The following NPAS3 variants were observed in gnomAD, a reference collection of about 807,000 sequenced individuals.
NPAS3 encodes neuronal PAS domain protein 3, also known as neuronal PAS domain-containing protein 3.
In NPAS3, 14 loss-of-function variants were observed where a neutral mutation model predicts 73.1. That is an observed-to-expected ratio of 0.19 (90% confidence interval 0.13 to 0.30). The LOEUF is 0.30. NPAS3 is among the 10% of genes least tolerant of loss of function. NPAS3 has a pLI of 1.00. For synonymous variants in NPAS3, 620 were observed against 541.5 expected (o/e 1.14, Z -2.01); for missense variants, 1,096 against 1,250.0 (o/e 0.88, Z 1.86).
At chr14:32,946,387 G>C (rs966856270) in intron 1 of NPAS3, among the ~76,000 whole-genome samples, 18 of 96,878 alleles carry the variant, frequency 1.9e-4, no homozygotes, top group East Asian at 1.3e-3. Flanking sequence ...CACACACACA[G>C]AGTCATCTTC....
At chr14:33,784,751 T>TTTTTTTTTTTTTTA (rs2063110523) in intron 9 of NPAS3, among the ~76,000 whole-genome samples, 1 of 114,876 alleles carries the variant, frequency 8.7e-6, no homozygotes, top group African/African-American at 3.9e-5. Flanking sequence ...ATTTATTTTT[T>TTTTTTTTTTTTTTA]TTTTTTTTTT....
chr14:33,594,462 C>T (rs2057170643), intron 5 of NPAS3, among the ~76,000 whole-genome samples: 1 of 152,200 alleles, frequency 6.6e-6, no homozygotes, highest in African/African-American at 2.4e-5. Flanking sequence ...GGATCAGCTT[C>T]TTTCACACAT....
At chr14:33,288,097 A>T (rs17565513) in intron 3 of NPAS3, among the ~76,000 whole-genome samples, 42,840 of 152,018 alleles carry the variant, frequency 0.28, 6,758 homozygotes, top group Admixed American at 0.38. Context: ...TATGAAATGG[A>T]TGTTAGTCCA....
chr14:33,208,482 T>C (rs1179018834), intron 2 of NPAS3, among the ~76,000 whole-genome samples: 1 of 152,206 alleles, frequency 6.6e-6, no homozygotes, highest in East Asian at 1.9e-4. Context: ...TTAATTACTC[T>C]TTTGATCTAT....
At chr14:33,193,915 A>C (rs538394480) in intron 2 of NPAS3, among the ~76,000 whole-genome samples, 1 of 152,286 alleles carries the variant, frequency 6.6e-6, no homozygotes, top group East Asian at 1.9e-4. Flanking sequence ...ATTTTGCAGT[A>C]ATAGAAGAAG....
intron 3 of NPAS3, among the ~76,000 whole-genome samples, chr14:33,286,022 T>C (rs1374392800): frequency 6.6e-6 from 1 of 152,142 alleles, no homozygotes; most frequent in Non-Finnish European, 1.5e-5. Flanking sequence ...CTTTGTTAGT[T>C]TGTCTCCCCT....
chr14:33,201,327 A>C (rs2046608651), intron 2 of NPAS3, among the ~76,000 whole-genome samples: 1 of 106,080 alleles, frequency 9.4e-6, no homozygotes, highest in Non-Finnish European at 2.1e-5. Flanking sequence ...ATGTTTGAAA[A>C]GTGACTCAGT....
At chr14:32,955,391 A>G (rs2036635856) in intron 1 of NPAS3, among the ~76,000 whole-genome samples, 1 of 152,168 alleles carries the variant, frequency 6.6e-6, no homozygotes, top group South Asian at 2.1e-4. Context: ...CATAAACGTC[A>G]GTCCAATATG....
chr14:33,632,053 T>C (rs183926536), intron 5 of NPAS3, among the ~76,000 whole-genome samples: 29 of 152,248 alleles, frequency 1.9e-4, no homozygotes, highest in African/African-American at 7.0e-4. Flanking sequence ...CGATTTCACG[T>C]TGAAAATAGA....
chr14:33,525,496 G>C (rs1270485965), intron 4 of NPAS3, among the ~76,000 whole-genome samples: 1 of 152,156 alleles, frequency 6.6e-6, no homozygotes, highest in Admixed American at 6.5e-5. Flanking sequence ...TTTCAAGTTA[G>C]TTCTTACCAC....
chr14:33,699,705 C>A (rs1276704005), intron 6 of NPAS3, among the ~76,000 whole-genome samples: 1 of 152,130 alleles, frequency 6.6e-6, no homozygotes, highest in African/African-American at 2.4e-5. Flanking sequence ...GTCAGCAGAA[C>A]AGGGTTATTA....
chr14:33,052,191 A>G (rs897190493), intron 1 of NPAS3, among the ~76,000 whole-genome samples: 6 of 152,324 alleles, frequency 3.9e-5, no homozygotes, highest in Non-Finnish European at 5.9e-5. Flanking sequence ...AAGAGTGGCA[A>G]AGGATCCCTG....
intron 1 of NPAS3, among the ~76,000 whole-genome samples, chr14:33,028,756 G>A (rs1270148794): frequency 6.6e-6 from 1 of 152,122 alleles, no homozygotes; most frequent in Non-Finnish European, 1.5e-5. Flanking sequence ...CATTACAGAG[G>A]AGATGATGAG....
chr14:33,705,594 C>T (rs897670545), intron 6 of NPAS3, among the ~76,000 whole-genome samples: 3 of 152,010 alleles, frequency 2.0e-5, no homozygotes, highest in Admixed American at 6.5e-5. Context: ...TAATACAGGG[C>T]GTGGAGAAGC....
chr14:32,957,896 T>G (rs1273711916), intron 1 of NPAS3, among the ~76,000 whole-genome samples: 1 of 152,152 alleles, frequency 6.6e-6, no homozygotes, highest in East Asian at 1.9e-4. Context: ...TCTCTGAGAT[T>G]TTTAGGATGG....
chr14:33,524,302 T>C (rs1356177648), intron 4 of NPAS3, among the ~76,000 whole-genome samples: 4 of 152,186 alleles, frequency 2.6e-5, no homozygotes, highest in African/African-American at 9.6e-5. Flanking sequence ...TGCTATACTA[T>C]CGGATTTTTA....
intron 2 of NPAS3, among the ~76,000 whole-genome samples, chr14:33,164,045 C>T (rs2045025535): frequency 6.6e-6 from 1 of 152,220 alleles, no homozygotes; most frequent in African/African-American, 2.4e-5. Context: ...TTAGAAAGAG[C>T]TTGCCTGTTG....
chr14:33,175,449 C>G (rs1217079336), intron 2 of NPAS3, among the ~76,000 whole-genome samples: 1 of 152,030 alleles, frequency 6.6e-6, no homozygotes, highest in Non-Finnish European at 1.5e-5. Flanking sequence ...AGCATACCTA[C>G]TTGTTTCAAA....
intron 2 of NPAS3, among the ~76,000 whole-genome samples, chr14:33,092,368 A>G (rs2042255867): frequency 6.6e-6 from 1 of 152,222 alleles, no homozygotes; most frequent in African/African-American, 2.4e-5. Flanking sequence ...CCCATTCACA[A>G]TTGCTTTGAG....
Sources: allele counts gnomAD v4.1 joint callset (sites outside exome capture counted in the v4.1 genomes callset), GRCh38; gene constraint gnomAD v4.1.1; transcripts MANE v1.5; gene names NCBI Gene and HGNC (gene_info 2026-07-23, HGNC 2026-07-21).